Variants in BMPR1A observed in about 807,000 individuals in gnomAD.
BMPR1A encodes the protein bone morphogenetic protein receptor type-1A.
A neutral mutation model predicts 66.0 loss-of-function variants in BMPR1A; 7 were observed. That is an observed-to-expected ratio of 0.11 (90% CI 0.06 to 0.20). The LOEUF (loss-of-function observed/expected upper bound fraction) is 0.20, where lower values mean the gene tolerates loss of function less well. Ranked by LOEUF, BMPR1A falls within the 10% of genes least tolerant of loss-of-function variation. BMPR1A has a pLI of 1.00. For synonymous variants in BMPR1A, 200 were observed against 229.7 expected, an observed-to-expected ratio of 0.87 and a Z score of 1.17; for missense variants, 408 against 669.1, an observed-to-expected ratio of 0.61 and a Z score of 4.31.
chr10:86,834,480 A>G lies in BMPR1A; in HGVS notation c.-267-4385A>G, dbSNP rs763255095. 2.0e-5 allele frequency among the ~76,000 whole-genome samples: 3 copies of G among 152,226 alleles called. No individual in the cohort carries two copies. In the East Asian group the frequency reaches 5.8e-4, roughly 29 times the overall value. On this transcript the variant is annotated intron_variant, in intron 1 of 12. Transcript: ENST00000372037. ...ATACAAGCTTAAACAGAAGAGTGCT[A>G]TGATAGATTTGTACACTAAAGTTCT... is the stretch of plus-strand genomic sequence containing the variant.
rs541331090 is a variant in BMPR1A at position 86,921,664 on chromosome 10, T to C, written c.1311T>C (p.Ile437=). 1 of 1,614,170 alleles carries C rather than the reference T, an allele frequency of 6.2e-7. No homozygotes were observed. Among genetic ancestry groups the C allele is most frequent in the Admixed American group, 1.7e-5 (1 of 60,028 alleles). The change falls in exon 11 of 13, where the codon ATT becomes ATC. Residue 437 remains isoleucine, a synonymous_variant. Transcript: ENST00000372037. ...MADIYSFGLI[I]WEMARRCITG... ...ACATCTACAGCTTCGGCCTAATCAT[T>C]TGGGAGATGGCTCGTCGTTGTATCA... is the stretch of plus-strand genomic sequence containing the variant.
chr10:86,920,613 C>T (rs556414825), intron 10 of BMPR1A, among the ~76,000 whole-genome samples: 9 of 152,204 alleles, frequency 5.9e-5, no homozygotes, highest in Admixed American at 4.6e-4. Flanking sequence ...GAAAATACAA[C>T]GCATTATATT....
At chr10:86,777,298 A>G (rs184747297) in intron 1 of BMPR1A, among the ~76,000 whole-genome samples, 3 of 152,150 alleles carry the variant, frequency 2.0e-5, no homozygotes, top group South Asian at 2.1e-4. Flanking sequence ...ATGGATATCA[A>G]CTGGGCACGG....
chr10:86,804,976 C>G (rs1841869500), intron 1 of BMPR1A, among the ~76,000 whole-genome samples: 2 of 152,048 alleles, frequency 1.3e-5, no homozygotes, highest in African/African-American at 4.8e-5. Context: ...TGCTTCTGGC[C>G]TCCTTCCTAA....
intron 2 of BMPR1A, among the ~76,000 whole-genome samples, chr10:86,848,705 A>G (rs968658389): frequency 4.6e-5 from 7 of 152,306 alleles, no homozygotes; most frequent in Middle Eastern, 3.4e-3. Flanking sequence ...TAGGAGCAGT[A>G]GGAACACATT....
Position 86,925,829 on chromosome 10 carries a change from G to A in BMPR1A, c.*2110G>A, listed in dbSNP as rs895288405. ...TGCAAGCTCCGCTTCCCGGGTTCAC[G>A]CCATTCTCCTGCCTCAGCCTCCCGA... On this transcript the variant is annotated 3_prime_UTR_variant, in exon 13 of 13. Coordinates refer to ENST00000372037, the MANE Select transcript of BMPR1A (RefSeq NM_004329.3). 6.5e-6 allele frequency: 1 copy of A among 153,718 alleles called. No individual in the cohort carries two copies. The highest frequency in any genetic ancestry group is 7.0e-5 in the Admixed American group (1 of 14,282). The allele number at this position is 153,718 out of a possible 1,614,324, so 9.5% of individuals were successfully genotyped here.
intron 1 of BMPR1A, among the ~76,000 whole-genome samples, chr10:86,828,442 T>G (rs1238508358): frequency 1.3e-5 from 2 of 152,036 alleles, no homozygotes; most frequent in Non-Finnish European, 2.9e-5. Context: ...AATAAGCCAG[T>G]AAGTAAAAAA....
chr10:86,888,245 CT>C (rs1443377803), intron 3 of BMPR1A, among the ~76,000 whole-genome samples: 1 of 151,284 alleles, frequency 6.6e-6, no homozygotes, highest in Non-Finnish European at 1.5e-5. Flanking sequence ...AAGTGGATCA[CT>C]TGAGGTCAGG....
At chr10:86,864,201 TAGAC>T (rs1306611369) in intron 2 of BMPR1A, among the ~76,000 whole-genome samples, 2 of 152,210 alleles carry the variant, frequency 1.3e-5, no homozygotes, top group East Asian at 1.9e-4. Flanking sequence ...ACCTGCTAAT[TAGAC>T]AGGCACATGC....
chr10:86,823,479 C>T (rs1432977197), intron 1 of BMPR1A, among the ~76,000 whole-genome samples: 1 of 152,186 alleles, frequency 6.6e-6, no homozygotes, highest in Admixed American at 6.5e-5. Context: ...GGCTACAGAG[C>T]CCATGCTCTT....
chr10:86,813,275 C>T (rs1841994104), intron 1 of BMPR1A, among the ~76,000 whole-genome samples: 1 of 152,064 alleles, frequency 6.6e-6, no homozygotes, highest in African/African-American at 2.4e-5. Flanking sequence ...GTGATTTGTC[C>T]CCTCACTACC....
At chr10:86,828,245 A>T (rs936851033) in intron 1 of BMPR1A, among the ~76,000 whole-genome samples, 2 of 152,224 alleles carry the variant, frequency 1.3e-5, no homozygotes, top group African/African-American at 2.4e-5. Flanking sequence ...GCCATCCGTC[A>T]TATGCAGCCT....
At chr10:86,893,821 A>T (rs1843190706) in intron 5 of BMPR1A, among the ~76,000 whole-genome samples, 2 of 152,036 alleles carry the variant, frequency 1.3e-5, no homozygotes, top group Middle Eastern at 3.4e-3. Flanking sequence ...CTCAGGATGG[A>T]TAGAAACCTT....
chr10:86,908,680 C>T (rs577009400), intron 7 of BMPR1A, among the ~76,000 whole-genome samples: 3 of 152,204 alleles, frequency 2.0e-5, no homozygotes, highest in African/African-American at 7.2e-5. Flanking sequence ...CCACAGAGGT[C>T]ATCTGCTGTT....
chr10:86,848,211 G>T (rs1239383690), intron 2 of BMPR1A, among the ~76,000 whole-genome samples: 1 of 152,098 alleles, frequency 6.6e-6, no homozygotes, highest in African/African-American at 2.4e-5. Flanking sequence ...GATTACAGGC[G>T]TGAGCCACCA....
intron 8 of BMPR1A, among the ~76,000 whole-genome samples, chr10:86,916,016 T>TA (rs1335464617): frequency 2.6e-5 from 4 of 152,182 alleles, no homozygotes; most frequent in Non-Finnish European, 4.4e-5. Flanking sequence ...AGAATAAAGT[T>TA]ATGATTGTGT....
chr10:86,824,094 T>C (rs944141412), intron 1 of BMPR1A, among the ~76,000 whole-genome samples: 1 of 151,018 alleles, frequency 6.6e-6, no homozygotes, highest in Non-Finnish European at 1.5e-5. Context: ...TGTGTGTGTG[T>C]GTGTGTGTGT....
chr10:86,895,494 T>C (rs1322170361), intron 5 of BMPR1A, among the ~76,000 whole-genome samples: 4 of 151,176 alleles, frequency 2.6e-5, no homozygotes, highest in Non-Finnish European at 1.5e-5. Flanking sequence ...GCCAAAATCA[T>C]GCCATTGCAC....
chr10:86,890,319 TTCA>T, intron 4 of BMPR1A, 95 bp downstream of exon 4: 4 of 1,471,250 alleles, frequency 2.7e-6, no homozygotes, highest in Non-Finnish European at 3.8e-6. Context: ...CGGTTTTTTT[TTCA>T]TTCATATATA....
Sources: allele counts gnomAD v4.1 joint callset (sites outside exome capture counted in the v4.1 genomes callset), GRCh38; gene constraint gnomAD v4.1.1; transcripts MANE v1.5; gene names NCBI Gene and HGNC (gene_info 2026-07-23, HGNC 2026-07-21).